Variants in PKNOX2 observed in about 807,000 individuals in gnomAD.
The protein encoded by PKNOX2 is PBX/knotted 1 homeobox 2.
Under a neutral mutation model 53.1 loss-of-function variants are expected in PKNOX2, and 14 were observed. The observed-to-expected ratio is 0.26, with a 90% CI of 0.17 to 0.41. PKNOX2 has a LOEUF of 0.41. PKNOX2 is among the 10% of genes least tolerant of loss of function. PKNOX2 has a pLI of 1.00. For synonymous variants in PKNOX2, 257 were observed against 242.8 expected, an observed-to-expected ratio of 1.06 and a Z score of -0.54; for missense variants, 496 against 602.8, an observed-to-expected ratio of 0.82 and a Z score of 1.85.
chr11:125,367,945 C>T lies in PKNOX2; in HGVS notation c.187C>T (p.Pro63Ser), dbSNP rs1269323303. The part of the protein sequence containing the change: ...STPVPSAPID[P>S]QAQLEADKRA... The stretch of plus-strand genomic sequence containing the variant: ...ACCTGTGCCCAGTGCCCCCATCGAC[C>T]CCCAGGCCCAGCTGGAGGCTGACAA... The change falls in exon 5 of 13, where the codon CCC becomes TCC. Residue 63 changes from proline (P) to serine (S), a missense_variant. By Grantham distance (74) the Pro-to-Ser change is moderately conservative (BLOSUM62 -1). This residue lies in a region of PKNOX2 where 168 missense variants were observed against 178.4 expected (regional missense o/e 0.94). Transcript: ENST00000298282. 1.9e-6 allele frequency: 3 copies of T among 1,613,356 alleles called. No individual in the cohort carries two copies. Among genetic ancestry groups the T allele is most frequent in the Non-Finnish European group, 2.5e-6 (3 of 1,179,666 alleles).
chr11:125,329,146 G>A (rs1182988807), intron 2 of PKNOX2, among the ~76,000 whole-genome samples: 3 of 152,158 alleles, frequency 2.0e-5, no homozygotes, highest in Non-Finnish European at 4.4e-5. Flanking sequence ...CCCATAAATG[G>A]AATGCCATAA....
intron 3 of PKNOX2, among the ~76,000 whole-genome samples, chr11:125,338,446 C>T (rs1378064123): frequency 6.6e-6 from 1 of 152,132 alleles, no homozygotes; most frequent in Admixed American, 6.5e-5. Context: ...GGATCGTCCC[C>T]AGCCCCAGGC....
intron 2 of PKNOX2, among the ~76,000 whole-genome samples, chr11:125,271,141 G>A (rs544205152): frequency 4.3e-4 from 65 of 152,200 alleles, no homozygotes; most frequent in African/African-American, 1.3e-3. Context: ...CCACCATCCC[G>A]TCCTCTCTGC....
chr11:125,405,494 C>G (rs1409503305), intron 7 of PKNOX2, among the ~76,000 whole-genome samples: 1 of 144,578 alleles, frequency 6.9e-6, no homozygotes, highest in Non-Finnish European at 1.6e-5. Flanking sequence ...CATGTGGGCC[C>G]CTGCACCCCC....
chr11:125,336,961 G>A (rs1950464523), intron 3 of PKNOX2, among the ~76,000 whole-genome samples: 2 of 148,572 alleles, frequency 1.3e-5, no homozygotes, highest in Non-Finnish European at 1.5e-5. Context: ...TGATATATAG[G>A]ATCTATAGTA....
intron 1 of PKNOX2, among the ~76,000 whole-genome samples, chr11:125,219,419 C>T (rs954341247): frequency 2.1e-4 from 31 of 145,222 alleles, no homozygotes; most frequent in Middle Eastern, 3.5e-3. Context: ...GCCTGGGCAA[C>T]AAGAGTGAAA....
chr11:125,263,713 C>T (rs535662025), intron 2 of PKNOX2, among the ~76,000 whole-genome samples: 1 of 152,204 alleles, frequency 6.6e-6, no homozygotes, highest in Admixed American at 6.5e-5. Context: ...GGCGTGGAGC[C>T]GAGGATGAGC....
intron 10 of PKNOX2, among the ~76,000 whole-genome samples, chr11:125,416,500 G>A (rs1175490478): frequency 1.3e-5 from 2 of 151,782 alleles, no homozygotes; most frequent in South Asian, 2.1e-4. Context: ...TATCAACAGC[G>A]ACTCTTTTTG....
chr11:125,210,453 C>A (rs1939698558), intron 1 of PKNOX2, among the ~76,000 whole-genome samples: 1 of 152,128 alleles, frequency 6.6e-6, no homozygotes, highest in African/African-American at 2.4e-5. Context: ...CTGCTGTGGG[C>A]ACAAATGTGG....
chr11:125,422,221 G>C lies in PKNOX2; in HGVS notation c.937-6791G>C, dbSNP rs1483664492. On this transcript the variant is annotated intron_variant, in intron 10 of 12. Transcript: ENST00000298282. This position sits in a 1 kb window ranked among gnomAD's most constrained non-coding sequence, Gnocchi z 4.1. Reference sequence around the variant, plus strand: ...CTCACTCTTGAAACCTGGGAACACTGTGGCCCCTTACCCCAGCCACGACTG... The same window carrying C: ...CTCACTCTTGAAACCTGGGAACACTCTGGCCCCTTACCCCAGCCACGACTG... Among the ~76,000 whole-genome samples the C allele has an allele frequency of 6.6e-6, 1 of 152,106 alleles. No individual in the cohort carries two copies. The highest frequency in any genetic ancestry group is 1.5e-5 in the Non-Finnish European group (1 of 68,016).
At chr11:125,246,947 C>T (rs1210957683) in intron 2 of PKNOX2, among the ~76,000 whole-genome samples, 2 of 152,206 alleles carry the variant, frequency 1.3e-5, no homozygotes, top group Non-Finnish European at 2.9e-5. Flanking sequence ...GCATGTGACA[C>T]TGCCAGGGGC....
intron 1 of PKNOX2, among the ~76,000 whole-genome samples, chr11:125,222,804 C>T (rs12797497): frequency 8.4e-5 from 12 of 142,304 alleles, no homozygotes; most frequent in African/African-American, 1.8e-4. Flanking sequence ...TGTGTGTGTG[C>T]GTGTGTATGT....
chr11:125,218,891 T>C (rs113152187), intron 1 of PKNOX2, among the ~76,000 whole-genome samples: 1 of 152,258 alleles, frequency 6.6e-6, no homozygotes, highest in African/African-American at 2.4e-5. Flanking sequence ...CTCCATGACA[T>C]CCACAAGCAC....
intron 1 of PKNOX2, among the ~76,000 whole-genome samples, chr11:125,207,026 G>T (rs1310286237): frequency 1.9e-4 from 3 of 15,608 alleles, no homozygotes; most frequent in Non-Finnish European, 3.2e-4. Flanking sequence ...TTCAGGTGGC[G>T]GGGGGTGAGG....
intron 1 of PKNOX2, among the ~76,000 whole-genome samples, chr11:125,214,396 G>T (rs1043509357): frequency 1.1e-4 from 16 of 152,052 alleles, no homozygotes; most frequent in Non-Finnish European, 2.1e-4. Context: ...CTCGGGAGGG[G>T]GTTGCTCTGG....
At chr11:125,272,157 G>A (rs1347154267) in intron 2 of PKNOX2, among the ~76,000 whole-genome samples, 1 of 152,202 alleles carries the variant, frequency 6.6e-6, no homozygotes, top group Admixed American at 6.5e-5. Context: ...TTTCAAATGG[G>A]AACTAGAGTT....
At chr11:125,423,538 C>T (rs571649171) in intron 10 of PKNOX2, among the ~76,000 whole-genome samples, 3 of 152,308 alleles carry the variant, frequency 2.0e-5, no homozygotes, top group Non-Finnish European at 2.9e-5. Flanking sequence ...CCGAAGGCCC[C>T]GTGTTCGTTC....
At chr11:125,324,638 G>A (rs1949728753) in intron 2 of PKNOX2, among the ~76,000 whole-genome samples, 1 of 152,202 alleles carries the variant, frequency 6.6e-6, no homozygotes, top group African/African-American at 2.4e-5. Context: ...GCAGCCTGTG[G>A]AGGATGCAGC....
Position 125,171,889 on chromosome 11 carries a change from C to T in PKNOX2, c.-201+7113C>T, listed in dbSNP as rs117402814. Among the ~76,000 whole-genome samples, 569 of 152,324 alleles carry T rather than the reference C, an allele frequency of 3.7e-3. 4 individuals are homozygous for T. Among genetic ancestry groups the T allele is most frequent in the South Asian group, 0.014 (66 of 4,830 alleles). On this transcript the variant is annotated intron_variant, in intron 1 of 12. Coordinates refer to ENST00000298282, the MANE Select transcript of PKNOX2 (RefSeq NM_001382323.2). ...GGGTTAACAGTAGAGAGGGCACATA[C>T]AATACACAGACCTGAGAGATGATGG... is the stretch of plus-strand genomic sequence containing the variant.
Sources: allele counts gnomAD v4.1 joint callset (sites outside exome capture counted in the v4.1 genomes callset), GRCh38; gene constraint gnomAD v4.1.1; regional missense constraint gnomAD v4.1.1; non-coding constraint Gnocchi (gnomAD v3.1); transcripts MANE v1.5; gene names NCBI Gene and HGNC (gene_info 2026-07-23, HGNC 2026-07-21).